The following COL6A2 variants were observed in gnomAD, a reference collection of about 807,000 sequenced individuals.
COL6A2 encodes collagen alpha-2(VI) chain.
Under a neutral mutation model 124.9 loss-of-function variants are expected in COL6A2, and 90 were observed. That is an observed-to-expected ratio of 0.72 (90% CI 0.61 to 0.86). COL6A2 has a LOEUF of 0.86. COL6A2 is among the 40% of genes least tolerant of loss of function. The probability of loss-of-function intolerance (pLI) is 0.00; values close to 1 mark genes in which losing one functional copy is unlikely to be tolerated. For missense variants in COL6A2, 1,607 were observed against 1,502.5 expected, an observed-to-expected ratio of 1.07 and a Z score of -1.15; for synonymous variants, 793 against 618.2, an observed-to-expected ratio of 1.28 and a Z score of -4.19.
At chr21:46,121,443 G>A (rs564573950) in intron 17 of COL6A2, 113 bp from the exon 18 acceptor site, 181 of 1,005,450 alleles carry the variant, frequency 1.8e-4, no homozygotes, top group Admixed American at 3.4e-4. Flanking sequence ...GGCAGCAGGA[G>A]GAGCTGCGGC....
intron 27 of COL6A2, among the ~76,000 whole-genome samples, chr21:46,128,607 C>T (rs994528008): frequency 6.6e-6 from 1 of 152,224 alleles, no homozygotes; most frequent in African/African-American, 2.4e-5. Context: ...AGAAACAAAC[C>T]AGACGCAGCT....
chr21:46,116,517 C>A lies in COL6A2; in HGVS notation c.927+114C>A. 1 of 1,577,812 alleles carries A rather than the reference C, an allele frequency of 6.3e-7. No homozygotes were observed. The highest frequency in any genetic ancestry group is 8.7e-7 in the Non-Finnish European group (1 of 1,152,164). Reference sequence around the variant, plus strand: ...CTGGGGCACCGGCCTGGTCTTTTCTCAGTGGTGGCTTTGGGGGCTCCTGGG... The same window carrying A: ...CTGGGGCACCGGCCTGGTCTTTTCTAAGTGGTGGCTTTGGGGGCTCCTGGG... On this transcript the variant is annotated intron_variant, in intron 8 of 27. Coordinates refer to ENST00000300527, the MANE Select transcript of COL6A2 (RefSeq NM_001849.4). This position sits in a 1 kb window ranked among gnomAD's most constrained non-coding sequence, Gnocchi z 4.6.
At position 46,132,094 on chromosome 21, in the gene COL6A2, A is replaced by AGGG; in HGVS notation, c.2603_2605dup (p.Arg868_Asp869insGly). ...GGCGCGGCGGCTGACGCTGGCCCGGAGGGACGACGACCCTCTCAACGCACG... is the reference window on the plus strand; with the variant it reads ...GGCGCGGCGGCTGACGCTGGCCCGGAGGGGGGACGACGACCCTCTCAACGCACG... On this transcript the variant is annotated inframe_insertion, in exon 28 of 28. Coordinates refer to ENST00000300527, the MANE Select transcript of COL6A2 (RefSeq NM_001849.4). 2 of 1,595,668 alleles carry AGGG rather than the reference A, an allele frequency of 1.3e-6. No individual in the cohort carries two copies. The highest frequency in any genetic ancestry group is 1.7e-6 in the Non-Finnish European group (2 of 1,173,924).
intron 1 of COL6A2, chr21:46,099,150 G>A (rs992132202): frequency 1.3e-5 from 2 of 152,436 alleles, no homozygotes; most frequent in African/African-American, 4.8e-5. Flanking sequence ...CGACTCTGGT[G>A]ATTATTTCAA....
At position 46,110,721 on chromosome 21, in the gene COL6A2, G is replaced by A. The variant is rs555052327; in HGVS notation, c.-27-729G>A. Among the ~76,000 whole-genome samples the A allele has an allele frequency of 8.2e-4, 39 of 47,824 alleles. 1 individual carries two copies. The South Asian group carries it at 0.018, about 22-fold the overall frequency. 31.4% of individuals were successfully genotyped at this position (47,824 alleles called of 152,430 possible). A position where few individuals can be genotyped will look rare whatever the true frequency, so the allele number is the denominator to read the frequency against. On this transcript the variant is annotated intron_variant, in intron 1 of 27. Transcript: ENST00000300527. ...GAACTGCACGCTCTGAACCAGGCCC[G>A]GTGCCCTTTCTGCCCAGCTGCCCGG... is the stretch of plus-strand genomic sequence containing the variant.
At position 46,119,791 on chromosome 21, in the gene COL6A2, C is replaced by A. The variant is rs761330909; in HGVS notation, c.1273C>A (p.Arg425Ser). 1.3e-6 allele frequency: 2 copies of A among 1,560,588 alleles called. No homozygotes were observed. The highest frequency in any genetic ancestry group is 2.3e-5 in the East Asian group (1 of 42,614). The change falls in exon 15 of 28, where the codon CGC becomes AGC. Residue 425 changes from arginine to serine, a missense_variant. Physicochemically the swap from Arg to Ser is moderately radical, Grantham distance 110. Transcript: ENST00000300527. ...GPRGPKGEPG[R>S]RGDPGTKGSP... ...CCCACACGCCTGTTCTCTGCAGGGG[C>A]GCAGGGGAGACCCCGGCACCAAGGG...
At chr21:46,104,466 A>C (rs2330396) in intron 1 of COL6A2, among the ~76,000 whole-genome samples, 72,786 of 152,028 alleles carry the variant, frequency 0.48, 18,190 homozygotes, top group Admixed American at 0.58. Flanking sequence ...GAAGATACAA[A>C]AATGGAAATT....
At chr21:46,112,915 G>T in intron 4 of COL6A2, 91 bp downstream of exon 4, 2 of 1,547,756 alleles carry the variant, frequency 1.3e-6, no homozygotes, top group African/African-American at 1.4e-5. Context: ...GCGCCTCCAG[G>T]CTGGAACAGA....
intron 23 of COL6A2, 142 bp downstream of exon 23, chr21:46,125,062 G>A (rs1378158694): frequency 1.6e-6 from 2 of 1,232,780 alleles, no homozygotes; most frequent in African/African-American, 1.5e-5. Context: ...CAGAGAGCAA[G>A]CTTGGTTGGG....
At chr21:46,124,992 G>C in intron 23 of COL6A2, 72 bp downstream of exon 23, 1 of 1,571,046 alleles carries the variant, frequency 6.4e-7, no homozygotes, top group East Asian at 2.2e-5. Flanking sequence ...GCAGGGGTGG[G>C]GGAAGGTCAG....
chr21:46,111,999 C>T lies in COL6A2; in HGVS notation c.136C>T (p.His46Tyr), dbSNP rs144735844. The T allele has an allele frequency of 6.2e-6, 10 of 1,612,322 alleles. No homozygotes were observed. Among genetic ancestry groups the T allele is most frequent in the Admixed American group, 1.7e-5 (1 of 60,002 alleles). The change falls in exon 3 of 28, where the codon CAC becomes TAC. Residue 46 changes from histidine (H) to tyrosine (Y), a missense_variant. Transcript: ENST00000300527. ...CACAGAGAAGACCGACTGCCCCATCCACGTGTACTTCGTGCTGGACACCTC... is the reference window on the plus strand; with the variant it reads ...CACAGAGAAGACCGACTGCCCCATCTACGTGTACTTCGTGCTGGACACCTC... ...NCPEKTDCPI[H>Y]VYFVLDTSES...
In COL6A2 at chr21:46,128,288, T is replaced by G. The variant is rs1601257102; in HGVS notation, c.2461+1747T>G. On this transcript the variant is annotated intron_variant, in intron 27 of 27. Transcript: ENST00000300527. ...AGCAGCCCTGGCAGAACCCCTCCCC[T>G]CCTCTCGGCCGCCCTGACACCTCAT... 4.6e-5 allele frequency among the ~76,000 whole-genome samples: 7 copies of G among 152,164 alleles called. 1 individual carries two copies. The highest frequency in any genetic ancestry group is 4.6e-4 in the Admixed American group (7 of 15,290).
chr21:46,105,321 A>C (rs992688725), intron 1 of COL6A2, among the ~76,000 whole-genome samples: 1 of 152,122 alleles, frequency 6.6e-6, no homozygotes, highest in Non-Finnish European at 1.5e-5. Context: ...GGGAGGTTGA[A>C]GCTGCAGTGA....
Position 46,132,209 on chromosome 21 carries a change from A to T in COL6A2, c.2717A>T (p.Glu906Val). ...HNLTAIHEAL[E>V]TTQYLNSFSH... ...CTCACGGCCATCCACGAGGCGCTGG[A>T]GACCACACAATACCTGAACTCCTTC... Residue 906 changes from glutamate to valine, a missense_variant, in exon 28 of 28, where the codon GAG becomes GTG. Glu to Val is a moderately radical substitution (Grantham distance 121, BLOSUM62 -2). This residue lies in a region of COL6A2 where 1,223 missense variants were observed against 1,052.2 expected (regional missense o/e 1.16). Transcript: ENST00000300527. 1 of 1,589,354 alleles carries T rather than the reference A, an allele frequency of 6.3e-7. No homozygotes were observed. The highest frequency in any genetic ancestry group is 8.6e-7 in the Non-Finnish European group (1 of 1,169,044).
Position 46,116,926 on chromosome 21 carries a change from TACACACAC to T in COL6A2, c.999+135_999+142del, listed in dbSNP as rs59060956. 1.8e-4 allele frequency: 115 copies of T among 639,320 alleles called. No individual in the cohort carries two copies. The highest frequency in any genetic ancestry group is 2.1e-4 in the Non-Finnish European group (78 of 363,182). 39.6% of individuals were successfully genotyped at this position (639,320 alleles called of 1,614,324 possible). A position where few individuals can be genotyped will look rare whatever the true frequency, so the allele number is the denominator to read the frequency against. On this transcript the variant is annotated intron_variant, in intron 10 of 27. Transcript: ENST00000300527. The surrounding 1 kb of genome is among the most constrained non-coding windows in gnomAD (Gnocchi z 4.6). ...CAGCTTACACATGTGTACACACGCA[TACACACAC>T]ACACACACACACACACACACACGAA... is the stretch of plus-strand genomic sequence containing the variant.
rs775617676 is a variant in COL6A2, at chr21:46,122,834, C to G, written c.1609-41C>G. 20 of 1,591,360 alleles carry G rather than the reference C, an allele frequency of 1.3e-5. No individual in the cohort carries two copies. In the South Asian group the frequency reaches 1.9e-4, roughly 15 times the overall value. ...ATCTCACTGGTGTCCCTGGTAGAGA[C>G]AGCTCCTCTGTCCCAGGCTAACATG... On this transcript the variant is annotated intron_variant, in intron 20 of 27. Transcript: ENST00000300527.
chr21:46,116,501 C>A lies in COL6A2; in HGVS notation c.927+98C>A, dbSNP rs543471395. On this transcript the variant is annotated intron_variant, in intron 8 of 27. Coordinates refer to ENST00000300527, the MANE Select transcript of COL6A2 (RefSeq NM_001849.4). This position sits in a 1 kb window ranked among gnomAD's most constrained non-coding sequence, Gnocchi z 4.6. ...CAGCCTGTCACTGCTCCTGGGGCAC[C>A]GGCCTGGTCTTTTCTCAGTGGTGGC... The A allele has an allele frequency of 1.8e-5, 29 of 1,581,182 alleles. No individual in the cohort carries two copies. In the East Asian group the frequency reaches 6.5e-4, roughly 36 times the overall value.
intron 23 of COL6A2, 34 bp downstream of exon 23, chr21:46,124,954 C>G: frequency 6.2e-7 from 1 of 1,612,350 alleles, no homozygotes; most frequent in Non-Finnish European, 8.5e-7. Flanking sequence ...CAGTGTCCTT[C>G]TCCTGCCAAA....
intron 3 of COL6A2, 46 bp downstream of exon 3, chr21:46,112,623 G>A (rs201719015): frequency 1.6e-3 from 2,554 of 1,602,780 alleles, no homozygotes; most frequent in Non-Finnish European, 1.9e-3. Context: ...GGGTGGCCAC[G>A]GTGGGCCGTC....
Sources: gnomAD v4.1 joint callset for allele counts (sites outside exome capture counted in the v4.1 genomes callset) on GRCh38, gnomAD v4.1.1 for gene constraint, gnomAD v4.1.1 regional missense constraint, Gnocchi (gnomAD v3.1) non-coding constraint, MANE v1.5 for transcripts, NCBI Gene and HGNC (gene_info 2026-07-23, HGNC 2026-07-21) for gene names.